The following GAPVD1 variants were observed in gnomAD, a reference collection of about 807,000 sequenced individuals.
GAPVD1 encodes GTPase-activating protein and VPS9 domain-containing protein 1.
In GAPVD1, 35 loss-of-function variants were observed where a neutral mutation model predicts 155.5. The observed-to-expected ratio is 0.23, with a 90% CI of 0.17 to 0.30. The LOEUF (loss-of-function observed/expected upper bound fraction) is 0.30. Ranked by LOEUF, GAPVD1 falls within the 10% of genes least tolerant of loss-of-function variation. GAPVD1 has a pLI of 1.00. For missense variants in GAPVD1, 1,429 were observed against 1,775.7 expected (o/e 0.80, Z 3.51); for synonymous variants, 636 against 619.7 (o/e 1.03, Z -0.39).
chr9:125,264,918 A>G (rs868478797), intron 1 of GAPVD1, among the ~76,000 whole-genome samples: 9 of 152,188 alleles, frequency 5.9e-5, no homozygotes, highest in Non-Finnish European at 1.0e-4. Flanking sequence ...GGGTTTCACC[A>G]TGTTGGTCAG....
At chr9:125,305,241 T>G in intron 6 of GAPVD1, 92 bp downstream of exon 6, 1 of 789,612 alleles carries the variant, frequency 1.3e-6, no homozygotes, top group Non-Finnish European at 2.1e-6. Context: ...GATATCTAAA[T>G]TAAATGTTCT....
chr9:125,285,713 G>A (rs1218482039), intron 2 of GAPVD1, among the ~76,000 whole-genome samples: 1 of 151,824 alleles, frequency 6.6e-6, no homozygotes, highest in African/African-American at 2.4e-5. Context: ...CACCTGCCTC[G>A]GCCTCCCAAA....
Position 125,350,397 on chromosome 9 carries a change from C to T in GAPVD1, c.3402C>T (p.Asp1134=). ...STRNGLPDHT[D]PEDNEIVCFL... ...GGAATGGTTTACCAGACCACACAGA[C>T]CCAGAAGGTAAATTGCTGCAGGATC... Residue 1134 remains aspartate (D), a synonymous_variant, in exon 22 of 28, where the codon GAC becomes GAT. Transcript: ENST00000297933. The T allele has an allele frequency of 3.8e-6, 6 of 1,593,510 alleles. No individual in the cohort carries two copies. The highest frequency in any genetic ancestry group is 5.2e-6 in the Non-Finnish European group (6 of 1,161,592).
At chr9:125,339,783 T>C (rs1847571152) in intron 17 of GAPVD1, among the ~76,000 whole-genome samples, 1 of 152,232 alleles carries the variant, frequency 6.6e-6, no homozygotes, top group Non-Finnish European at 1.5e-5. Flanking sequence ...GTGAGAAATC[T>C]ACTTTCACTA....
chr9:125,311,338 T>C (rs1341921931), intron 8 of GAPVD1, among the ~76,000 whole-genome samples: 1 of 152,066 alleles, frequency 6.6e-6, no homozygotes, highest in African/African-American at 2.4e-5. Flanking sequence ...AAACTGATTC[T>C]GGGCTGGGCA....
At chr9:125,293,638 A>G (rs1838996103) in intron 2 of GAPVD1, among the ~76,000 whole-genome samples, 1 of 132,266 alleles carries the variant, frequency 7.6e-6, no homozygotes, top group South Asian at 2.2e-4. Flanking sequence ...TTATATATAT[A>G]TAATATAAAA....
chr9:125,340,089 C>T lies in GAPVD1; in HGVS notation c.2878-1088C>T, dbSNP rs145455419. Among the ~76,000 whole-genome samples, 1,451 of 152,210 alleles carry T rather than the reference C, an allele frequency of 9.5e-3. 26 individuals are homozygous for T. The highest frequency in any genetic ancestry group is 0.033 in the African/African-American group (1,374 of 41,510). On this transcript the variant is annotated intron_variant, in intron 17 of 27. Coordinates refer to ENST00000297933, the MANE Select transcript of GAPVD1 (RefSeq NM_001282680.3). ...AGGCTGGAGTGCAGTGGTGCGATCT[C>T]GGGTCACCGCAACCTCCACCTCCCG...
At chr9:125,322,168 C>T (rs1844421915) in intron 10 of GAPVD1, among the ~76,000 whole-genome samples, 3 of 152,024 alleles carry the variant, frequency 2.0e-5, no homozygotes, top group Non-Finnish European at 4.4e-5. Flanking sequence ...GGGTTCACGC[C>T]ATTCTCCTGC....
At chr9:125,291,059 A>G (rs138532272) in intron 2 of GAPVD1, among the ~76,000 whole-genome samples, 15 of 150,602 alleles carry the variant, frequency 1.0e-4, no homozygotes, top group African/African-American at 3.7e-4. Context: ...GGCCAAGGCA[A>G]GAGGCTCACT....
At chr9:125,308,726 T>C (rs976476275) in intron 8 of GAPVD1, 2 of 152,214 alleles carry the variant, frequency 1.3e-5, no homozygotes, top group Admixed American at 1.3e-4. Context: ...AGTGGATGTG[T>C]CTTGCACATG....
Position 125,293,850 on chromosome 9 carries a change from TTTTATATATATATATA to T in GAPVD1, c.-149-1606_-149-1591del, listed in dbSNP as rs1181538088. 1.2e-3 allele frequency among the ~76,000 whole-genome samples: 53 copies of T among 42,858 alleles called. 1 individual carries two copies. Among genetic ancestry groups the T allele is most frequent in the African/African-American group, 5.7e-3 (48 of 8,354 alleles). 28.1% of individuals were successfully genotyped at this position (42,858 alleles called of 152,430 possible). ...AAAAAAATATATATATAAAAATATA[TTTTATATATATATATA>T]TATATATATATATATATATATATAT... On this transcript the variant is annotated intron_variant, in intron 2 of 27. Transcript: ENST00000297933.
chr9:125,362,518 TAGA>T (rs1479664186), intron 27 of GAPVD1, 85 bp from the exon 28 acceptor site: 32 of 1,091,104 alleles, frequency 2.9e-5, no homozygotes, highest in Non-Finnish European at 3.8e-5. Context: ...ATGTCTTTCA[TAGA>T]AGAACATTCG....
intron 24 of GAPVD1, 152 bp from the exon 25 acceptor site, chr9:125,355,492 T>C (rs1174263250): frequency 3.5e-6 from 2 of 570,866 alleles, no homozygotes; most frequent in Non-Finnish European, 6.2e-6. Context: ...TGGCTACATA[T>C]TGTCCTAAAA....
At chr9:125,292,710 G>A (rs1838814589) in intron 2 of GAPVD1, among the ~76,000 whole-genome samples, 1 of 152,126 alleles carries the variant, frequency 6.6e-6, no homozygotes, top group Non-Finnish European at 1.5e-5. Context: ...AGATTTTGAT[G>A]GGGTTGGCAG....
At chr9:125,285,959 G>A (rs1234010167) in intron 2 of GAPVD1, among the ~76,000 whole-genome samples, 2 of 151,086 alleles carry the variant, frequency 1.3e-5, no homozygotes, top group South Asian at 2.1e-4. Context: ...AGGCATGCGC[G>A]ATCACACTCA....
rs1215149338 is a variant in GAPVD1, at chr9:125,365,783, T to C, written c.*3037T>C. The stretch of plus-strand genomic sequence containing the variant: ...CCTCCCTGGTTGCTCAGATTACAAG[T>C]GTATGCCACCACACCCAGCTAATTT... On this transcript the variant is annotated 3_prime_UTR_variant, in exon 28 of 28. Coordinates refer to ENST00000297933, the MANE Select transcript of GAPVD1 (RefSeq NM_001282680.3). 1 of 152,170 alleles carries C rather than the reference T, an allele frequency of 6.6e-6. No individual in the cohort carries two copies. Among genetic ancestry groups the C allele is most frequent in the Non-Finnish European group, 1.5e-5 (1 of 68,050 alleles). The allele number at this position is 152,170 out of a possible 1,614,324, so 9.4% of individuals were successfully genotyped here.
intron 2 of GAPVD1, among the ~76,000 whole-genome samples, chr9:125,277,672 A>G (rs560138695): frequency 6.6e-6 from 1 of 150,762 alleles, no homozygotes; most frequent in Admixed American, 6.7e-5. Flanking sequence ...AGTAAAGCAT[A>G]CTATGCTTGT....
chr9:125,263,756 G>A, intron 1 of GAPVD1: 1 of 907,220 alleles, frequency 1.1e-6, no homozygotes, highest in Non-Finnish European at 1.8e-6. Context: ...CCTCTTGTGA[G>A]TCTCGCAGGT....
chr9:125,317,124 C>T (rs997178218), intron 9 of GAPVD1, among the ~76,000 whole-genome samples: 8 of 151,794 alleles, frequency 5.3e-5, no homozygotes, highest in African/African-American at 1.9e-4. Flanking sequence ...TCGAGACCAG[C>T]CTGACCAACA....
Sources: allele counts gnomAD v4.1 joint callset (sites outside exome capture counted in the v4.1 genomes callset), GRCh38; gene constraint gnomAD v4.1.1; transcripts MANE v1.5; gene names NCBI Gene and HGNC (gene_info 2026-07-23, HGNC 2026-07-21).